The following SYNE2 variants were observed in gnomAD, a reference collection of about 807,000 sequenced individuals.
SYNE2 encodes the protein nesprin-2.
SYNE2 carries 431 observed loss-of-function variants against 856.3 expected under a neutral mutation model. That is an observed-to-expected ratio of 0.50 (90% CI 0.47 to 0.55). SYNE2 has a LOEUF of 0.55. Among genes scored for constraint, SYNE2 ranks in the 20% least tolerant of loss-of-function variants. The probability of loss-of-function intolerance (pLI) is 0.00; values close to 1 mark genes in which losing one functional copy is unlikely to be tolerated. For missense variants in SYNE2, 8,129 were observed against 8,023.2 expected, an observed-to-expected ratio of 1.01 and a Z score of -0.50; for synonymous variants, 2,923 against 2,872.3, an observed-to-expected ratio of 1.02 and a Z score of -0.56.
chr14:64,137,039 T>C (rs1041298637), intron 78 of SYNE2, among the ~76,000 whole-genome samples: 7 of 152,208 alleles, frequency 4.6e-5, no homozygotes, highest in African/African-American at 1.4e-4. Context: ...CCACAGACAC[T>C]GGCAATCCTG....
chr14:63,984,814 A>G (rs970955236), intron 18 of SYNE2, among the ~76,000 whole-genome samples: 1 of 152,126 alleles, frequency 6.6e-6, no homozygotes, highest in Non-Finnish European at 1.5e-5. Flanking sequence ...ATCTGGAAAG[A>G]TCTGAATTTT....
chr14:64,034,588 T>G, intron 45 of SYNE2: 1 of 545,822 alleles, frequency 1.8e-6, no homozygotes, highest in Non-Finnish European at 3.4e-6. Flanking sequence ...TCAGATGAAA[T>G]GCAGGTGATT....
chr14:63,804,699 G>C (rs1052704903), intron 1 of SYNE2, among the ~76,000 whole-genome samples: 1 of 152,036 alleles, frequency 6.6e-6, no homozygotes, highest in Admixed American at 6.6e-5. Flanking sequence ...TCTCCATGTT[G>C]GTCAGGCTGA....
intron 23 of SYNE2, among the ~76,000 whole-genome samples, chr14:63,996,119 C>T (rs2096712292): frequency 6.6e-6 from 1 of 152,134 alleles, no homozygotes; most frequent in Non-Finnish European, 1.5e-5. Context: ...ATAATATCTC[C>T]TCTCAAAGGT....
chr14:64,054,209 C>A (rs2097251035), intron 48 of SYNE2, among the ~76,000 whole-genome samples: 1 of 152,158 alleles, frequency 6.6e-6, no homozygotes. Context: ...ACTCTTATTT[C>A]TGTTTTCCTC....
rs1161158456 is a variant in SYNE2 at position 64,056,225 on chromosome 14, A to G, written c.10026A>G (p.Ala3342=). 1 of 1,614,096 alleles carries G rather than the reference A, an allele frequency of 6.2e-7. No homozygotes were observed. Among genetic ancestry groups the G allele is most frequent in the Non-Finnish European group, 8.5e-7 (1 of 1,179,978 alleles). The part of the protein sequence containing the change: ...TLQELVSKNS[A]MKEAFKAQET... ...AGGAACTAGTTTCTAAGAACTCAGC[A>G]ATGAAGGAAGCTTTCAAAGCACAGG... is the stretch of plus-strand genomic sequence containing the variant. The change falls in exon 49 of 116, where the codon GCA becomes GCG. Residue 3342 remains alanine, a synonymous_variant. Coordinates refer to ENST00000555002, the MANE Select transcript of SYNE2 (RefSeq NM_182914.3).
intron 1 of SYNE2, among the ~76,000 whole-genome samples, chr14:63,863,086 C>G (rs937466830): frequency 1.3e-5 from 2 of 152,172 alleles, no homozygotes; most frequent in Non-Finnish European, 1.5e-5. Context: ...GCCTGAGCCA[C>G]CGTGCCTGGC....
chr14:63,900,764 T>C (rs17101425), intron 1 of SYNE2, among the ~76,000 whole-genome samples: 8,966 of 152,158 alleles, frequency 0.059, 878 homozygotes, highest in African/African-American at 0.2. Context: ...CAAATGATGA[T>C]TACAGGATAA....
At position 64,165,318 on chromosome 14, in the gene SYNE2, C is replaced by G; in HGVS notation, c.16513C>G (p.Arg5505Gly). ...VLSQFKDFGV[R>G]LESLKGLIMH... Reference sequence around the variant, plus strand: ...CTCACAGTTTAAGGATTTTGGAGTCCGGCTGGAATCTTTAAAAGGTCTTAT... The same window carrying G: ...CTCACAGTTTAAGGATTTTGGAGTCGGGCTGGAATCTTTAAAAGGTCTTAT... The change falls in exon 90 of 116, where the codon CGG (arginine) becomes GGG (glycine). Residue 5505 changes from arginine to glycine, a missense_variant. By Grantham distance (125) the Arg-to-Gly change is moderately radical. Transcript: ENST00000555002. The G allele has an allele frequency of 6.2e-7, 1 of 1,613,610 alleles. No homozygotes were observed. Among genetic ancestry groups the G allele is most frequent in the Non-Finnish European group, 8.5e-7 (1 of 1,179,812 alleles).
chr14:64,105,275 T>C (rs1218407978), intron 64 of SYNE2, among the ~76,000 whole-genome samples: 1 of 152,240 alleles, frequency 6.6e-6, no homozygotes, highest in Non-Finnish European at 1.5e-5. Flanking sequence ...AAATTCTTCA[T>C]GGAGTTTGAT....
upstream of SYNE2, among the ~76,000 whole-genome samples, chr14:63,848,684 G>A (rs536257625): frequency 6.6e-6 from 1 of 152,084 alleles, no homozygotes; most frequent in Non-Finnish European, 1.5e-5. Flanking sequence ...AACTGACGTC[G>A]GTTATGGAAT....
At chr14:64,165,456 G>A in intron 90 of SYNE2, 46 bp downstream of exon 90, 9 of 1,598,560 alleles carry the variant, frequency 5.6e-6, no homozygotes, top group South Asian at 1.1e-5. Flanking sequence ...CTCACCATAA[G>A]GTTAAAAAAA....
At chr14:64,175,227 G>A in intron 95 of SYNE2, 89 bp downstream of exon 95, 1 of 1,467,132 alleles carries the variant, frequency 6.8e-7, no homozygotes, top group South Asian at 1.2e-5. Flanking sequence ...ATGGTTTTAG[G>A]AAACTATAGT....
chr14:63,887,395 G>T (rs1283192654), intron 1 of SYNE2, among the ~76,000 whole-genome samples: 1 of 152,116 alleles, frequency 6.6e-6, no homozygotes, highest in Non-Finnish European at 1.5e-5. Context: ...TTTCCATACC[G>T]TCAGAGAACA....
chr14:64,053,245 T>C lies in SYNE2; in HGVS notation c.9332T>C (p.Phe3111Ser). 1 of 1,611,568 alleles carries C rather than the reference T, an allele frequency of 6.2e-7. No homozygotes were observed. Among genetic ancestry groups the C allele is most frequent in the South Asian group, 1.1e-5 (1 of 89,966 alleles). ...AAGAAATTAAATGAAAATAAGACCTTTGATGACTCATTCAAGGAGAAAGAA... is the reference window on the plus strand; with the variant it reads ...AAGAAATTAAATGAAAATAAGACCTCTGATGACTCATTCAAGGAGAAAGAA... ...IIKKLNENKTFDDSFKEKEIL... is the reference protein window; with the variant it reads ...IIKKLNENKTSDDSFKEKEIL... Residue 3111 changes from phenylalanine (F) to serine (S), a missense_variant, in exon 48 of 116, where the codon TTT becomes TCT. By Grantham distance (155) the Phe-to-Ser change is radical. This residue lies in a region of SYNE2 where 5,410 missense variants were observed against 5,284.8 expected (regional missense o/e 1.02). Coordinates refer to ENST00000555002, the MANE Select transcript of SYNE2 (RefSeq NM_182914.3).
chr14:64,006,320 A>G (rs2096795238), intron 30 of SYNE2, among the ~76,000 whole-genome samples: 2 of 151,892 alleles, frequency 1.3e-5, no homozygotes, highest in South Asian at 2.1e-4. Context: ...TGGCCGCCCC[A>G]TCCCTCCTTA....
chr14:63,918,222 T>C (rs1276884607), intron 2 of SYNE2, among the ~76,000 whole-genome samples: 1 of 152,238 alleles, frequency 6.6e-6, no homozygotes, highest in Non-Finnish European at 1.5e-5. Flanking sequence ...GTTAATATAG[T>C]ATGTTAAATT....
chr14:63,975,204 T>C (rs548208763), intron 11 of SYNE2, among the ~76,000 whole-genome samples: 1 of 152,162 alleles, frequency 6.6e-6, no homozygotes, highest in African/African-American at 2.4e-5. Flanking sequence ...TTTGCTTAAT[T>C]GTGTGTTGAT....
At chr14:63,998,150 AG>A in intron 25 of SYNE2, 68 bp from the exon 26 acceptor site, 1 of 1,095,386 alleles carries the variant, frequency 9.1e-7, no homozygotes, top group South Asian at 1.3e-5. Context: ...TTTGAACATA[AG>A]CATTTATCTT....
Sources: allele counts gnomAD v4.1 joint callset (sites outside exome capture counted in the v4.1 genomes callset), GRCh38; gene constraint gnomAD v4.1.1; regional missense constraint gnomAD v4.1.1; transcripts MANE v1.5; gene names NCBI Gene and HGNC (gene_info 2026-07-23, HGNC 2026-07-21).